The following SPCS3 variants were observed in gnomAD, a reference collection of about 807,000 sequenced individuals.
SPCS3 encodes the protein signal peptidase complex subunit 3, also known as SPase 22 kDa subunit.
Under a neutral mutation model 17.2 loss-of-function variants are expected in SPCS3, and 9 were observed. That is an observed-to-expected ratio of 0.52 (90% CI 0.31 to 0.91). SPCS3 has a LOEUF of 0.91. Ranked by LOEUF, SPCS3 falls within the 40% of genes least tolerant of loss-of-function variation. The pLI, the probability that SPCS3 is intolerant of heterozygous loss-of-function variation, is 0.04. For synonymous variants in SPCS3, 87 were observed against 89.6 expected (o/e 0.97, Z 0.16); for missense variants, 139 against 217.5 (o/e 0.64, Z 2.27).
At position 176,328,351 on chromosome 4, in the gene SPCS3, A is replaced by T. The variant is rs1276986486; in HGVS notation, c.*21A>T. On this transcript the variant is annotated 3_prime_UTR_variant, in exon 5 of 5. Transcript: ENST00000503362. Reference sequence around the variant, plus strand: ...ATTAAATTATTCTGAATTTGAAACAACATATTTTTATACTTAATGAATTGT... The same window carrying T: ...ATTAAATTATTCTGAATTTGAAACATCATATTTTTATACTTAATGAATTGT... 2 of 1,548,562 alleles carry T rather than the reference A, an allele frequency of 1.3e-6. No individual in the cohort carries two copies. Among genetic ancestry groups the T allele is most frequent in the Non-Finnish European group, 1.8e-6 (2 of 1,140,072 alleles).
intron 1 of SPCS3, chr4:176,320,577 G>A (rs777072559): frequency 5.1e-5 from 8 of 156,018 alleles, no homozygotes; most frequent in Non-Finnish European, 7.1e-5. Flanking sequence ...CCGCCCGCCT[G>A]GGCTGGCGCC....
chr4:176,330,798 C>G lies in SPCS3; in HGVS notation c.*2468C>G, dbSNP rs1389914757. ...GAAATACCTGAGCCCAGAAATGATT[C>G]TGAGAAAAGAGAATAATTTGAAGAC... is the stretch of plus-strand genomic sequence containing the variant. On this transcript the variant is annotated 3_prime_UTR_variant, in exon 5 of 5. Transcript: ENST00000503362. The G allele has an allele frequency of 6.6e-6, 1 of 152,116 alleles. No individual in the cohort carries two copies. Among genetic ancestry groups the G allele is most frequent in the Non-Finnish European group, 1.5e-5 (1 of 68,000 alleles). 9.4% of individuals were successfully genotyped at this position (152,116 alleles called of 1,614,324 possible). A position where few individuals can be genotyped will look rare whatever the true frequency, so the allele number is the denominator to read the frequency against.
chr4:176,327,530 G>C (rs1579359250), intron 4 of SPCS3: 1 of 262,018 alleles, frequency 3.8e-6, no homozygotes, highest in Non-Finnish European at 7.3e-6. Flanking sequence ...AGGAATACGG[G>C]CTTGTTCAGA....
chr4:176,327,133 T>G, intron 3 of SPCS3, 29 bp from the exon 4 acceptor site: 1 of 1,289,308 alleles, frequency 7.8e-7, no homozygotes. Flanking sequence ...TTCTGATGAG[T>G]TATCTAATTA....
In SPCS3 at chr4:176,320,180, G is replaced by A; in HGVS notation, c.104G>A (p.Arg35Lys). The A allele has an allele frequency of 6.3e-7, 1 of 1,579,172 alleles. No homozygotes were observed. Among genetic ancestry groups the A allele is most frequent in the East Asian group, 2.5e-5 (1 of 40,116 alleles). Residue 35 changes from arginine (R) to lysine (K), a missense_variant, in exon 1 of 5, where the codon AGG (arginine) becomes AAG (lysine). Coordinates refer to ENST00000503362, the MANE Select transcript of SPCS3 (RefSeq NM_021928.4). ...GCFITTAFKD[R>K]SVPVRLHVSR... ...TTCATCACCACCGCCTTCAAAGACA[G>A]GAGCGTCCCGGTGCGGCTGCACGTC...
rs576598250 is a variant in SPCS3, at chr4:176,329,614, A to G, written c.*1284A>G. The G allele has an allele frequency of 6.6e-6, 1 of 152,300 alleles. No individual in the cohort carries two copies. The highest frequency in any genetic ancestry group is 1.9e-4 in the East Asian group (1 of 5,188). The allele number at this position is 152,300 out of a possible 1,614,324, so 9.4% of individuals were successfully genotyped here. The stretch of plus-strand genomic sequence containing the variant: ...TCATTTCACTTATATTAAAAGCATA[A>G]GGAAATCTACATGTATGTAAAAATA... On this transcript the variant is annotated 3_prime_UTR_variant, in exon 5 of 5. Transcript: ENST00000503362.
rs746999100 is a variant in SPCS3, at chr4:176,322,198, A to G, written c.172A>G (p.Arg58Gly). The G allele has an allele frequency of 6.2e-7, 1 of 1,607,178 alleles. No individual in the cohort carries two copies. Among genetic ancestry groups the G allele is most frequent in the South Asian group, 1.1e-5 (1 of 90,832 alleles). The change falls in exon 2 of 5, where the codon AGA becomes GGA. Residue 58 changes from arginine to glycine, a missense_variant. By Grantham distance (125) the Arg-to-Gly change is moderately radical. Transcript: ENST00000503362. ...AAATGTAGAAGATTTCACTGGACCT[A>G]GAGAAAGAAGTGATCTGGGATTTAT... ...LKNVEDFTGP[R>G]ERSDLGFITF... is the part of the protein sequence containing the mutation.
chr4:176,322,405 C>T (rs72708342), intron 2 of SPCS3, among the ~76,000 whole-genome samples, 162 bp downstream of exon 2: 119 of 152,246 alleles, frequency 7.8e-4, no homozygotes, highest in Non-Finnish European at 1.3e-3. Context: ...CTCCCCATGA[C>T]ACTTGGAGAA....
chr4:176,327,294 C>CT lies in SPCS3; in HGVS notation c.410+17_410+18insT. The CT allele has an allele frequency of 8.8e-6, 12 of 1,364,342 alleles. No homozygotes were observed. Among genetic ancestry groups the CT allele is most frequent in the Admixed American group, 7.9e-5 (3 of 38,042 alleles). 84.5% of individuals were successfully genotyped at this position (1,364,342 alleles called of 1,614,324 possible). A position where few individuals can be genotyped will look rare whatever the true frequency, so the allele number is the denominator to read the frequency against. Reference sequence around the variant, plus strand: ...TGGTCTCAAGTGAGCAATTCTTGGTCATTTTTTTACATTTAATAAGAGGTG... The same window carrying CT: ...TGGTCTCAAGTGAGCAATTCTTGGTCTATTTTTTTACATTTAATAAGAGGTG... On this transcript the variant is annotated intron_variant, in intron 4 of 4. Coordinates refer to ENST00000503362, the MANE Select transcript of SPCS3 (RefSeq NM_021928.4).
chr4:176,322,704 T>C (rs973451141), intron 2 of SPCS3, among the ~76,000 whole-genome samples: 1 of 152,160 alleles, frequency 6.6e-6, no homozygotes, highest in Non-Finnish European at 1.5e-5. Flanking sequence ...TCAAAATTAT[T>C]GGTAACCTGT....
chr4:176,325,065 T>G (rs557076412), intron 3 of SPCS3, among the ~76,000 whole-genome samples: 4,042 of 150,442 alleles, frequency 0.027, 53 homozygotes, highest in Middle Eastern at 0.051. Context: ...TTTTTTTTTT[T>G]TTTAAGACAG....
intron 3 of SPCS3, among the ~76,000 whole-genome samples, chr4:176,324,696 A>G (rs945168705): frequency 2.6e-5 from 4 of 152,266 alleles, no homozygotes; most frequent in Admixed American, 6.5e-5. Flanking sequence ...TATGCAATAC[A>G]TAAGTGGATT....
intron 2 of SPCS3, among the ~76,000 whole-genome samples, chr4:176,323,843 C>T (rs1731568748): frequency 6.7e-6 from 1 of 149,176 alleles, no homozygotes; most frequent in African/African-American, 2.5e-5. Flanking sequence ...AATATCGAGT[C>T]CTCTTTTTTT....
At chr4:176,320,283 G>A in intron 1 of SPCS3, 64 bp downstream of exon 1, 1 of 1,295,502 alleles carries the variant, frequency 7.7e-7, no homozygotes. Context: ...GCCGAAGCCG[G>A]GCCGCCGCGC....
chr4:176,327,088 A>C, intron 3 of SPCS3, 74 bp from the exon 4 acceptor site: 1 of 864,638 alleles, frequency 1.2e-6, no homozygotes, highest in Non-Finnish European at 1.8e-6. Context: ...CTATTTGCTT[A>C]CTAATACTTT....
At chr4:176,325,462 A>G (rs888657051) in intron 3 of SPCS3, among the ~76,000 whole-genome samples, 3 of 151,942 alleles carry the variant, frequency 2.0e-5, no homozygotes, top group Non-Finnish European at 2.9e-5. Flanking sequence ...TATAATTCTC[A>G]TTATGACTAT....
chr4:176,322,329 C>G, intron 2 of SPCS3, 86 bp downstream of exon 2: 1 of 918,164 alleles, frequency 1.1e-6, no homozygotes, highest in Admixed American at 2.4e-5. Flanking sequence ...TACAGTGTGA[C>G]TATCTCATTG....
chr4:176,322,445 A>T (rs2127000058), intron 2 of SPCS3, among the ~76,000 whole-genome samples: 1 of 152,286 alleles, frequency 6.6e-6, no homozygotes, highest in African/African-American at 2.4e-5. Context: ...TAGTTGTGTG[A>T]ACATACTTTA....
rs1239548432 is a variant in SPCS3, at chr4:176,330,519, A to G, written c.*2189A>G. The G allele has an allele frequency of 2.0e-5, 3 of 152,328 alleles. No homozygotes were observed. The highest frequency in any genetic ancestry group is 2.9e-5 in the Non-Finnish European group (2 of 68,010). 9.4% of individuals were successfully genotyped at this position (152,328 alleles called of 1,614,324 possible). A position where few individuals can be genotyped will look rare whatever the true frequency, so the allele number is the denominator to read the frequency against. ...TGAGGAAGATAAGTAAAAATGCCCA[A>G]CTAGTACAATGTGGAGAAAGTTTTC... On this transcript the variant is annotated 3_prime_UTR_variant, in exon 5 of 5. Transcript: ENST00000503362.
Sources: allele counts gnomAD v4.1 joint callset (sites outside exome capture counted in the v4.1 genomes callset), GRCh38; gene constraint gnomAD v4.1.1; transcripts MANE v1.5; gene names NCBI Gene and HGNC (gene_info 2026-07-23, HGNC 2026-07-21).